TMEM164: variants seen among roughly 807,000 people sequenced by gnomAD.
TMEM164 encodes the protein RP13-360B22.2.
A neutral mutation model predicts 18.8 loss-of-function variants in TMEM164; 4 were observed. That is an observed-to-expected ratio of 0.21 (90% CI 0.10 to 0.49). The LOEUF is 0.49. TMEM164 is among the 20% of genes least tolerant of loss of function. The pLI, the probability that TMEM164 is intolerant of heterozygous loss-of-function variation, is 0.98. For missense variants in TMEM164, 108 were observed against 239.9 expected, an observed-to-expected ratio of 0.45 and a Z score of 3.63; for synonymous variants, 86 against 101.7, an observed-to-expected ratio of 0.85 and a Z score of 0.93.
chrX:110,026,191 G>A (rs939158533), intron 2 of TMEM164, among the ~76,000 whole-genome samples: 2 of 112,205 alleles, frequency 1.8e-5, no homozygotes, highest in Non-Finnish European at 3.8e-5. Context: ...GCTGTCTGAA[G>A]GGGCTGAGGT....
intron 4 of TMEM164, among the ~76,000 whole-genome samples, chrX:110,126,812 G>C (rs975643843): frequency 8.8e-5 from 3 of 34,192 alleles, no homozygotes; most frequent in Non-Finnish European, 1.6e-4. Flanking sequence ...GGCCACTCCT[G>C]TGTGTGTGTG....
chrX:110,119,596 C>G (rs2066421467), intron 4 of TMEM164, among the ~76,000 whole-genome samples: 1 of 111,603 alleles, frequency 9.0e-6, no homozygotes, highest in African/African-American at 3.3e-5. Flanking sequence ...ATCCTTGAAC[C>G]AGCTGGTCCA....
intron 2 of TMEM164, among the ~76,000 whole-genome samples, chrX:110,018,937 C>T (rs887652566): frequency 1.8e-5 from 2 of 112,214 alleles, no homozygotes; most frequent in African/African-American, 6.5e-5. Context: ...ATCATCATGT[C>T]TTGAGAGCAG....
intron 2 of TMEM164, among the ~76,000 whole-genome samples, chrX:110,009,863 C>T (rs1414416997): frequency 4.6e-5 from 5 of 109,843 alleles, no homozygotes; most frequent in African/African-American, 1.3e-4. Context: ...TGTGGTGGCA[C>T]GCGCCTGTAG....
chrX:110,161,732 C>T (rs2067096330), intron 5 of TMEM164, among the ~76,000 whole-genome samples: 1 of 112,283 alleles, frequency 8.9e-6, no homozygotes, highest in African/African-American at 3.2e-5. Context: ...CCCTCTAAGT[C>T]AGTGTTTCTC....
At chrX:110,030,375 C>T (rs1335817396) in intron 2 of TMEM164, among the ~76,000 whole-genome samples, 5 of 108,328 alleles carry the variant, frequency 4.6e-5, no homozygotes, top group Non-Finnish European at 9.6e-5. Flanking sequence ...CCATCTCTGC[C>T]TCCCAAAGTG....
chrX:110,164,217 C>T (rs907907543), intron 5 of TMEM164, among the ~76,000 whole-genome samples: 5 of 111,698 alleles, frequency 4.5e-5, no homozygotes, highest in Non-Finnish European at 7.5e-5. Flanking sequence ...GCTTTGGATT[C>T]AACCAGGGCT....
intron 2 of TMEM164, among the ~76,000 whole-genome samples, chrX:110,041,544 A>T (rs761679607): frequency 3.6e-5 from 4 of 111,585 alleles, no homozygotes; most frequent in Non-Finnish European, 7.5e-5. Context: ...GTGTCATTTT[A>T]AAGGGGTGAA....
chrX:110,084,241 C>T lies in TMEM164; in HGVS notation c.440+16845C>T, dbSNP rs762667081. On this transcript the variant is annotated intron_variant, in intron 3 of 6. Transcript: ENST00000372068. ...ATAGTTGGCCAGGTGTGGTGGCTCA[C>T]GCCTGTAATCCCAGCACTTCAGGAG... 3.9e-5 allele frequency among the ~76,000 whole-genome samples: 4 copies of T among 103,861 alleles called. No individual in the cohort carries two copies. In the South Asian group the frequency reaches 1.6e-3, roughly 43 times the overall value. 90.2% of individuals were successfully genotyped at this position (103,861 alleles called of 115,157 possible). A position where few individuals can be genotyped will look rare whatever the true frequency, so the allele number is the denominator to read the frequency against.
At chrX:110,120,162 C>T (rs1301491368) in intron 4 of TMEM164, among the ~76,000 whole-genome samples, 1 of 112,235 alleles carries the variant, frequency 8.9e-6, no homozygotes, top group African/African-American at 3.2e-5. Context: ...TAGGGAGTGG[C>T]AGCAGTGAGT....
At chrX:110,127,790 C>G (rs2066556182) in intron 4 of TMEM164, among the ~76,000 whole-genome samples, 1 of 111,618 alleles carries the variant, frequency 9.0e-6, no homozygotes, top group Non-Finnish European at 1.9e-5. Flanking sequence ...CCCATCACCT[C>G]CTTCCAATAA....
intron 2 of TMEM164, 52 bp from the exon 3 acceptor site, chrX:110,067,293 ACT>A: frequency 9.1e-7 from 1 of 1,102,696 alleles, no homozygotes; most frequent in Non-Finnish European, 1.3e-6. Context: ...ACATTGTCTC[ACT>A]CTGTCTGGCA....
rs987385542 is a variant in TMEM164 at position 110,173,686 on chromosome X, G to A, written c.*235G>A. 26 of 405,310 alleles carry A rather than the reference G, an allele frequency of 6.4e-5. No homozygotes were observed. The Admixed American group carries it at 1.1e-3, about 17-fold the overall frequency. 33.4% of individuals were successfully genotyped at this position (405,310 alleles called of 1,213,427 possible). A position where few individuals can be genotyped will look rare whatever the true frequency, so the allele number is the denominator to read the frequency against. On this transcript the variant is annotated 3_prime_UTR_variant, in exon 7 of 7. Transcript: ENST00000372068. ...CGCTGGATTTTCCTCCTTCCCTTTG[G>A]CTCTCTCTCTGCTCCTAGTGGCCTT...
intron 3 of TMEM164, among the ~76,000 whole-genome samples, chrX:110,072,296 C>CAAAA (rs56056315): frequency 1.3e-4 from 6 of 46,255 alleles, no homozygotes; most frequent in African/African-American, 1.7e-4. Flanking sequence ...GACTCCATCT[C>CAAAA]AAAAAAAAAA....
chrX:110,083,548 A>C (rs1158363981), intron 3 of TMEM164, among the ~76,000 whole-genome samples: 1 of 110,893 alleles, frequency 9.0e-6, no homozygotes, highest in Non-Finnish European at 1.9e-5. Context: ...TTTTCGTCCA[A>C]ATGAACTTAG....
intron 2 of TMEM164, among the ~76,000 whole-genome samples, chrX:110,015,019 C>G (rs747882018): frequency 1.8e-5 from 2 of 111,578 alleles, no homozygotes; most frequent in South Asian, 3.8e-4. Flanking sequence ...ACCAATTATT[C>G]TTACATCTCC....
At chrX:110,044,075 A>G (rs1371237011) in intron 2 of TMEM164, among the ~76,000 whole-genome samples, 1 of 112,438 alleles carries the variant, frequency 8.9e-6, no homozygotes, top group East Asian at 2.8e-4. Context: ...GGTACCAACA[A>G]TAGAGGCACT....
At chrX:110,149,131 A>AT (rs2066904283) in intron 5 of TMEM164, among the ~76,000 whole-genome samples, 2 of 110,621 alleles carry the variant, frequency 1.8e-5, no homozygotes, top group African/African-American at 3.3e-5. Context: ...GAAGCCCCAT[A>AT]ATATCCATGA....
intron 5 of TMEM164, among the ~76,000 whole-genome samples, chrX:110,150,507 A>G (rs1211444411): frequency 8.9e-6 from 1 of 112,727 alleles, no homozygotes; most frequent in Non-Finnish European, 1.9e-5. Flanking sequence ...CACATTTTAC[A>G]CATTTTAATT....
Sources: allele counts gnomAD v4.1 joint callset (sites outside exome capture counted in the v4.1 genomes callset), GRCh38; gene constraint gnomAD v4.1.1; transcripts MANE v1.5; gene names NCBI Gene and HGNC (gene_info 2026-07-23, HGNC 2026-07-21).